Variants in IRAG1 observed in about 807,000 individuals in gnomAD.
IRAG1 encodes IP3R-associated cGMP kinase substrate.
Under a neutral mutation model 106.2 loss-of-function variants are expected in IRAG1, and 62 were observed. The observed-to-expected ratio is 0.58, with a 90% CI of 0.48 to 0.72. The LOEUF (loss-of-function observed/expected upper bound fraction) is 0.72, where lower values mean the gene tolerates loss of function less well. Ranked by LOEUF, IRAG1 falls within the 30% of genes least tolerant of loss-of-function variation. The probability of loss-of-function intolerance (pLI) is 0.00; values close to 1 mark genes in which losing one functional copy is unlikely to be tolerated. For missense variants in IRAG1, 1,064 were observed against 1,140.7 expected (o/e 0.93, Z 0.97); for synonymous variants, 462 against 443.9 (o/e 1.04, Z -0.51).
chr11:10,685,472 A>G (rs1405255973), intron 1 of IRAG1, among the ~76,000 whole-genome samples: 1 of 151,910 alleles, frequency 6.6e-6, no homozygotes, highest in African/African-American at 2.4e-5. Flanking sequence ...TCAGTGCTTT[A>G]GCAGGCTGAG....
At chr11:10,607,826 A>G (rs915262810) in intron 11 of IRAG1, among the ~76,000 whole-genome samples, 1 of 152,200 alleles carries the variant, frequency 6.6e-6, no homozygotes, top group Admixed American at 6.5e-5. Flanking sequence ...CCCCATGGCC[A>G]TGAAGTCAGC....
chr11:10,676,949 C>T (rs1323661008), intron 1 of IRAG1, among the ~76,000 whole-genome samples: 1 of 152,210 alleles, frequency 6.6e-6, no homozygotes, highest in Admixed American at 6.5e-5. Context: ...TGTCCTCAGT[C>T]TCTCGTTCTT....
intron 1 of IRAG1, among the ~76,000 whole-genome samples, chr11:10,678,011 G>GTCTATCTATCTATCTATCTA (rs10606111): frequency 1.3e-4 from 19 of 142,176 alleles, no homozygotes; most frequent in African/African-American, 4.7e-4. Context: ...CTCTCTATCT[G>GTCTATCTATCTATCTATCTA]TCTATCTATC....
At chr11:10,581,126 C>A (rs979477961) in intron 19 of IRAG1, among the ~76,000 whole-genome samples, 1 of 152,136 alleles carries the variant, frequency 6.6e-6, no homozygotes, top group Admixed American at 6.5e-5. Context: ...CAAAGAGAAA[C>A]CCTTGTGGTT....
chr11:10,660,389 A>T (rs1224732926), intron 1 of IRAG1, among the ~76,000 whole-genome samples: 5 of 152,186 alleles, frequency 3.3e-5, no homozygotes, highest in Non-Finnish European at 1.5e-5. Context: ...CTATATAATG[A>T]TTTGCTACTG....
At chr11:10,578,304 GAA>G (rs1255268554) in intron 20 of IRAG1, among the ~76,000 whole-genome samples, 2 of 152,238 alleles carry the variant, frequency 1.3e-5, no homozygotes, top group Non-Finnish European at 2.9e-5. Context: ...GCCGTTAGGA[GAA>G]AAGACAAAAG....
At chr11:10,591,867 A>G (rs1852713014) in intron 17 of IRAG1, among the ~76,000 whole-genome samples, 2 of 152,094 alleles carry the variant, frequency 1.3e-5, no homozygotes, top group Non-Finnish European at 2.9e-5. Flanking sequence ...TGAAGAGGAA[A>G]GTTTACATCT....
chr11:10,692,021 G>A (rs1326626831), intron 1 of IRAG1, among the ~76,000 whole-genome samples: 4 of 152,182 alleles, frequency 2.6e-5, no homozygotes, highest in Non-Finnish European at 5.9e-5. Context: ...CCATGTGTTT[G>A]CTGTTTATTT....
intron 2 of IRAG1, among the ~76,000 whole-genome samples, chr11:10,642,142 T>C (rs572705117): frequency 1.3e-5 from 2 of 152,320 alleles, no homozygotes; most frequent in South Asian, 4.1e-4. Context: ...CACTCCTCCA[T>C]GGGCCCAGCC....
Position 10,574,046 on chromosome 11 carries a change from A to C in IRAG1, c.*2286T>G, listed in dbSNP as rs1163950087. 1 of 152,334 alleles carries C rather than the reference A, an allele frequency of 6.6e-6. No individual in the cohort carries two copies. The highest frequency in any genetic ancestry group is 1.9e-4 in the East Asian group (1 of 5,208). The allele number at this position is 152,334 out of a possible 1,614,324, so 9.4% of individuals were successfully genotyped here. A position where few individuals can be genotyped will look rare whatever the true frequency, so the allele number is the denominator to read the frequency against. ...CTGGCTTGGGCCTCAGTCATTTTCT[A>C]GCTACTGTAAAGGATGCCCCCTTCA... On this transcript the variant is annotated 3_prime_UTR_variant, in exon 21 of 21. Transcript: ENST00000423302.
At chr11:10,627,900 C>T in intron 7 of IRAG1, 73 bp downstream of exon 7, 2 of 1,575,440 alleles carry the variant, frequency 1.3e-6, no homozygotes, top group South Asian at 1.2e-5. Context: ...TCACGAAGGG[C>T]CTCCTGGTGT....
intron 18 of IRAG1, among the ~76,000 whole-genome samples, 176 bp from the exon 19 acceptor site, chr11:10,582,162 GTC>G (rs1426456523): frequency 6.6e-6 from 1 of 152,166 alleles, no homozygotes; most frequent in Non-Finnish European, 1.5e-5. Context: ...AAAGGTCCTA[GTC>G]CATGAATTTT....
At position 10,626,178 on chromosome 11, in the gene IRAG1, G is replaced by A. The variant is rs748323520; in HGVS notation, c.1156C>T (p.Arg386Trp). ...GAGAGCCCTCGCAGCAGCGGGGGCC[G>A]GGACACAGTGGGTGGAAGCTCAGCT... ...SKAELPPTVS[R>W]PPLLRGLSWD... Residue 386 changes from arginine to tryptophan, a missense_variant, in exon 9 of 21, where the codon CGG becomes TGG. Coordinates refer to ENST00000423302, the MANE Select transcript of IRAG1 (RefSeq NM_130385.4). 29 of 1,552,688 alleles carry A rather than the reference G, an allele frequency of 1.9e-5. No individual in the cohort carries two copies. In the East Asian group the frequency reaches 2.3e-4, roughly 12 times the overall value.
chr11:10,600,001 A>C (rs1853799360), intron 15 of IRAG1: 1 of 152,242 alleles, frequency 6.6e-6, no homozygotes, highest in Admixed American at 6.5e-5. Context: ...TGGTCAACCA[A>C]GTCTCACTTC....
chr11:10,649,338 T>A (rs1403971578), intron 2 of IRAG1, among the ~76,000 whole-genome samples: 1 of 152,224 alleles, frequency 6.6e-6, no homozygotes, highest in South Asian at 2.1e-4. Flanking sequence ...TGGGGGGGTC[T>A]GAACTGCCCC....
intron 4 of IRAG1, among the ~76,000 whole-genome samples, chr11:10,631,521 C>T (rs922821519): frequency 6.6e-6 from 1 of 152,220 alleles, no homozygotes; most frequent in Non-Finnish European, 1.5e-5. Flanking sequence ...CTGTTCATTT[C>T]TCAGTCTCTT....
At chr11:10,620,016 A>G (rs1239993417) in intron 10 of IRAG1, among the ~76,000 whole-genome samples, 1 of 152,220 alleles carries the variant, frequency 6.6e-6, no homozygotes, top group African/African-American at 2.4e-5. Context: ...GGATGTCTAA[A>G]TTGGTATAAT....
At chr11:10,605,810 T>C (rs1458459652) in intron 12 of IRAG1, among the ~76,000 whole-genome samples, 2 of 152,220 alleles carry the variant, frequency 1.3e-5, no homozygotes, top group Admixed American at 1.3e-4. Context: ...CTTGGTCAAG[T>C]CTATGAATAA....
At chr11:10,627,311 C>T (rs1038286683) in intron 8 of IRAG1, among the ~76,000 whole-genome samples, 1 of 152,088 alleles carries the variant, frequency 6.6e-6, no homozygotes, top group Non-Finnish European at 1.5e-5. Flanking sequence ...CAGGGTGGGG[C>T]GCTTCTGTTG....
Sources: gnomAD v4.1 joint callset for allele counts (sites outside exome capture counted in the v4.1 genomes callset) on GRCh38, gnomAD v4.1.1 for gene constraint, MANE v1.5 for transcripts, NCBI Gene and HGNC (gene_info 2026-07-23, HGNC 2026-07-21) for gene names.